USP10: variants seen among roughly 807,000 people sequenced by gnomAD.
The protein encoded by USP10 is ubiquitin specific peptidase 10.
A neutral mutation model predicts 84.5 loss-of-function variants in USP10; 22 were observed. The ratio of observed to expected loss-of-function variants is 0.26; its 90% CI spans 0.19 to 0.37. The LOEUF is 0.37. Among genes scored for constraint, USP10 ranks in the 10% least tolerant of loss-of-function variants. The pLI, the probability that USP10 is intolerant of heterozygous loss-of-function variation, is 1.00. For synonymous variants in USP10, 454 were observed against 387.6 expected (o/e 1.17, Z -2.01); for missense variants, 1,019 against 998.9 (o/e 1.02, Z -0.27).
intron 3 of USP10, among the ~76,000 whole-genome samples, chr16:84,741,731 GC>G (rs1292148446): frequency 1.3e-5 from 2 of 152,164 alleles, no homozygotes; most frequent in African/African-American, 4.8e-5. Context: ...TTAGTGACAG[GC>G]CTGCTTTTCT....
intron 4 of USP10, among the ~76,000 whole-genome samples, chr16:84,757,396 GGTGGGGGTGTGTGT>G (rs1555546427): frequency 0.041 from 5,271 of 127,372 alleles, 140 homozygotes; most frequent in African/African-American, 0.067. Context: ...GAATGAGAGG[GGTGGGGGTGTGTGT>G]GTGTGTGTGT....
At chr16:84,778,774 C>T in intron 13 of USP10, 121 bp from the exon 14 acceptor site, 1 of 931,424 alleles carries the variant, frequency 1.1e-6, no homozygotes, top group East Asian at 2.7e-5. Flanking sequence ...CTCTCTGTCC[C>T]ACCTGCTTTG....
intron 4 of USP10, among the ~76,000 whole-genome samples, chr16:84,754,158 G>C (rs868547937): frequency 6.6e-6 from 1 of 152,174 alleles, no homozygotes; most frequent in Non-Finnish European, 1.5e-5. Flanking sequence ...GATGAGGTCA[G>C]CTACTGTGGA....
intron 10 of USP10, 81 bp from the exon 11 acceptor site, chr16:84,768,112 T>C (rs1597395697): frequency 2.2e-6 from 3 of 1,381,742 alleles, no homozygotes; most frequent in African/African-American, 2.9e-5. Context: ...TTATTTTCAG[T>C]GTTTATTCCC....
At chr16:84,734,921 C>T (rs901915319) in intron 2 of USP10, among the ~76,000 whole-genome samples, 4 of 152,210 alleles carry the variant, frequency 2.6e-5, no homozygotes, top group East Asian at 1.9e-4. Context: ...CTGTCAGCCC[C>T]GTTGGGCAGT....
chr16:84,724,635 CCTTT>C (rs976934953), intron 1 of USP10, among the ~76,000 whole-genome samples: 16 of 152,322 alleles, frequency 1.1e-4, no homozygotes, highest in African/African-American at 3.6e-4. Flanking sequence ...CCTCCTTCTT[CCTTT>C]GTCTGCTTCT....
At position 84,759,655 on chromosome 16, in the gene USP10, A is replaced by G. The variant is rs3764333; in HGVS notation, c.1394+183A>G. ...AACCAGAAATGGAATTGGAGCATTG[A>G]TGATCTGTGTTCTTTAGATTCAGTA... On this transcript the variant is annotated intron_variant, in intron 6 of 13. Transcript: ENST00000219473. Among the ~76,000 whole-genome samples the G allele has an allele frequency of 0.2, 30,586 of 152,170 alleles. 3,713 individuals carry two copies. Among genetic ancestry groups the G allele is most frequent in the East Asian group, 0.39 (2,006 of 5,164 alleles).
At chr16:84,705,501 G>A (rs1567584260) in intron 1 of USP10, among the ~76,000 whole-genome samples, 1 of 151,442 alleles carries the variant, frequency 6.6e-6, no homozygotes, top group Admixed American at 6.6e-5. Context: ...AAAGTGCTGG[G>A]ATTATAGGCG....
Position 84,744,985 on chromosome 16 carries a change from T to A in USP10, c.504T>A (p.Asp168Glu). The change falls in exon 4 of 14, where the codon GAT becomes GAA. Residue 168 changes from aspartate (D) to glutamate (E), a missense_variant. This residue lies in a region of USP10 where 787 missense variants were observed against 708.8 expected (regional missense o/e 1.11). Transcript: ENST00000219473. ...GYYSYLKDGG[D>E]DSISTEALVN... is the part of the protein sequence containing the mutation. Reference sequence around the variant, plus strand: ...ACAGCTATTTGAAAGATGGTGGCGATGATAGTATCTCCACAGAAGCCCTGG... The same window carrying A: ...ACAGCTATTTGAAAGATGGTGGCGAAGATAGTATCTCCACAGAAGCCCTGG... 2.5e-6 allele frequency: 4 copies of A among 1,613,836 alleles called. No homozygotes were observed. Among genetic ancestry groups the A allele is most frequent in the Non-Finnish European group, 3.4e-6 (4 of 1,179,736 alleles).
intron 4 of USP10, among the ~76,000 whole-genome samples, chr16:84,758,078 G>T (rs373270882): frequency 1.9e-4 from 29 of 152,342 alleles, no homozygotes; most frequent in African/African-American, 7.0e-4. Context: ...TGTCCACTCA[G>T]GGTGAACCTG....
chr16:84,700,818 C>T (rs1200898099), intron 1 of USP10, among the ~76,000 whole-genome samples: 2 of 152,126 alleles, frequency 1.3e-5, no homozygotes, highest in East Asian at 1.9e-4. Flanking sequence ...GGGCCCTTTA[C>T]AATAATCCCG....
At chr16:84,776,023 G>A (rs1002513026) in intron 13 of USP10, among the ~76,000 whole-genome samples, 4 of 152,132 alleles carry the variant, frequency 2.6e-5, no homozygotes, top group Non-Finnish European at 4.4e-5. Flanking sequence ...TGGTGAACCT[G>A]TTTGTATCGT....
chr16:84,775,320 A>G (rs545444474), intron 13 of USP10, 95 bp downstream of exon 13: 1 of 1,255,126 alleles, frequency 8.0e-7, no homozygotes, highest in East Asian at 2.4e-5. Flanking sequence ...CATAGCGACC[A>G]GATGCTGTAC....
At chr16:84,760,406 C>A in intron 8 of USP10, 131 bp downstream of exon 8, 1 of 751,028 alleles carries the variant, frequency 1.3e-6, no homozygotes, top group Non-Finnish European at 2.2e-6. Flanking sequence ...TATAAGAGTC[C>A]ATTGCTTGGA....
chr16:84,706,049 TTTG>T (rs1014709310), intron 1 of USP10, among the ~76,000 whole-genome samples: 2 of 152,078 alleles, frequency 1.3e-5, no homozygotes, highest in African/African-American at 4.8e-5. Context: ...AAAAAAACAA[TTTG>T]TTGTTGTTTT....
chr16:84,756,238 G>A (rs1912525158), intron 4 of USP10, among the ~76,000 whole-genome samples: 1 of 152,178 alleles, frequency 6.6e-6, no homozygotes, highest in Admixed American at 6.5e-5. Context: ...TTCCTTACCC[G>A]GTGCCTAGGC....
intron 1 of USP10, among the ~76,000 whole-genome samples, chr16:84,715,822 T>C (rs748990938): frequency 6.6e-6 from 1 of 152,168 alleles, no homozygotes; most frequent in Non-Finnish European, 1.5e-5. Context: ...TCACTTTTCA[T>C]TTCTTCATCT....
intron 1 of USP10, among the ~76,000 whole-genome samples, chr16:84,712,738 C>T (rs75913670): frequency 0.011 from 1,705 of 152,290 alleles, 29 homozygotes; most frequent in African/African-American, 0.038. Context: ...CCCTAAGCTG[C>T]TCTTCAGGTT....
chr16:84,769,850 G>T (rs974165836), intron 11 of USP10, among the ~76,000 whole-genome samples: 3 of 152,162 alleles, frequency 2.0e-5, no homozygotes, highest in African/African-American at 4.8e-5. Flanking sequence ...GTGGCGGTGT[G>T]GGGGCAGGGG....
Sources: gnomAD v4.1 joint callset for allele counts (sites outside exome capture counted in the v4.1 genomes callset) on GRCh38, gnomAD v4.1.1 for gene constraint, gnomAD v4.1.1 regional missense constraint, MANE v1.5 for transcripts, NCBI Gene and HGNC (gene_info 2026-07-23, HGNC 2026-07-21) for gene names.